The following RHOD variants were observed in gnomAD, a reference collection of about 807,000 sequenced individuals.
RHOD encodes ras homolog family member D.
Under a neutral mutation model 16.7 loss-of-function variants are expected in RHOD, and 11 were observed. The observed-to-expected ratio is 0.66, with a 90% CI of 0.41 to 1.09. The LOEUF (loss-of-function observed/expected upper bound fraction) is 1.09. Ranked by LOEUF, RHOD falls within the 50% of genes least tolerant of loss-of-function variation. RHOD has a pLI of 0.00. For synonymous variants in RHOD, 124 were observed against 126.3 expected (o/e 0.98, Z 0.12); for missense variants, 271 against 291.7 (o/e 0.93, Z 0.52).
intron 3 of RHOD, among the ~76,000 whole-genome samples, chr11:67,067,662 G>C (rs890843550): frequency 6.6e-6 from 1 of 152,198 alleles, no homozygotes; most frequent in Non-Finnish European, 1.5e-5. Flanking sequence ...AGGAGAGATG[G>C]TGGTGCCTGG....
chr11:67,068,272 G>A (rs1854984766), intron 3 of RHOD, among the ~76,000 whole-genome samples: 1 of 152,222 alleles, frequency 6.6e-6, no homozygotes, highest in Non-Finnish European at 1.5e-5. Context: ...CCTAAATGCA[G>A]CTGCACATTT....
At position 67,065,978 on chromosome 11, in the gene RHOD, C is replaced by A; in HGVS notation, c.215C>A (p.Thr72Lys). 6 of 1,604,584 alleles carry A rather than the reference C, an allele frequency of 3.7e-6. No homozygotes were observed. The highest frequency in any genetic ancestry group is 5.1e-6 in the Non-Finnish European group (6 of 1,171,670). ...CCTGTGCACCTCCACATCTGGGACA[C>A]AGCAGGTGGGTGTGCAGGGGTGGGG... ...GKPVHLHIWD[T>K]AGQDDYDRLR... The change falls in exon 2 of 5, where the codon ACA (threonine) becomes AAA (lysine). Residue 72 changes from threonine to lysine, a missense_variant. By Grantham distance (78) the Thr-to-Lys change is moderately conservative. Transcript: ENST00000308831.
chr11:67,067,486 A>G (rs1306274741), intron 3 of RHOD, among the ~76,000 whole-genome samples: 4 of 152,180 alleles, frequency 2.6e-5, no homozygotes, highest in Non-Finnish European at 4.4e-5. Flanking sequence ...TCCCCCGGCC[A>G]ACCTTATGGA....
Position 67,066,806 on chromosome 11 carries a change from G to A in RHOD, c.289G>A (p.Asp97Asn), listed in dbSNP as rs557865534. The A allele has an allele frequency of 3.3e-5, 54 of 1,613,872 alleles. No homozygotes were observed. Among genetic ancestry groups the A allele is most frequent in the Non-Finnish European group, 4.1e-5 (48 of 1,179,884 alleles). ...CGCCAGCGTCCTGCTGCTTTGCTTC[G>A]ATGTCACCAGCCCGAACAGCTTTGA... ...PDASVLLLCF[D>N]VTSPNSFDNI... Residue 97 changes from aspartate (D) to asparagine (N), a missense_variant, in exon 3 of 5, where the codon GAT (aspartate) becomes AAT (asparagine). By Grantham distance (23) the Asp-to-Asn change is conservative (BLOSUM62 1). Coordinates refer to ENST00000308831, the MANE Select transcript of RHOD (RefSeq NM_014578.4).
At chr11:67,067,795 TTTTG>T (rs142675444) in intron 3 of RHOD, among the ~76,000 whole-genome samples, 56,335 of 151,010 alleles carry the variant, frequency 0.37, 10,808 homozygotes, top group South Asian at 0.51. Context: ...GGAGGAGTTT[TTTTG>T]TTTGTTTGTT....
chr11:67,062,326 A>G (rs1296693728), intron 1 of RHOD, among the ~76,000 whole-genome samples: 1 of 152,176 alleles, frequency 6.6e-6, no homozygotes, highest in African/African-American at 2.4e-5. Context: ...ATAGCAGGTG[A>G]GTGCTGGAGC....
intron 1 of RHOD, among the ~76,000 whole-genome samples, chr11:67,061,212 A>G (rs1369261443): frequency 6.6e-6 from 1 of 152,124 alleles, no homozygotes; most frequent in East Asian, 1.9e-4. Context: ...GAACTTCCTC[A>G]CTATTGGCCA....
chr11:67,062,967 C>T (rs1193323754), intron 1 of RHOD, among the ~76,000 whole-genome samples: 1 of 152,208 alleles, frequency 6.6e-6, no homozygotes, highest in Non-Finnish European at 1.5e-5. Context: ...CAAAACCTGG[C>T]CTGCTGCCCG....
chr11:67,057,127 C>T (rs1241459193), intron 1 of RHOD, 93 bp downstream of exon 1: 11 of 1,311,672 alleles, frequency 8.4e-6, no homozygotes, highest in Non-Finnish European at 9.7e-6. Flanking sequence ...GCGCCTAACC[C>T]GGCCTCCGAG....
intron 3 of RHOD, among the ~76,000 whole-genome samples, chr11:67,068,490 G>A (rs1181490251): frequency 1.3e-5 from 2 of 152,100 alleles, no homozygotes; most frequent in Non-Finnish European, 2.9e-5. Flanking sequence ...CGGGGTTATC[G>A]AGGGATCAGT....
intron 1 of RHOD, among the ~76,000 whole-genome samples, chr11:67,062,078 C>T (rs1306393201): frequency 2.0e-5 from 3 of 152,056 alleles, no homozygotes; most frequent in Non-Finnish European, 4.4e-5. Flanking sequence ...TCCCTCGACA[C>T]GTGGGGATTA....
At chr11:67,064,954 C>A (rs1207329982) in intron 1 of RHOD, among the ~76,000 whole-genome samples, 1 of 152,262 alleles carries the variant, frequency 6.6e-6, no homozygotes, top group Non-Finnish European at 1.5e-5. Context: ...TGCCCCCATC[C>A]AGAGGGCAAT....
intron 1 of RHOD, among the ~76,000 whole-genome samples, chr11:67,059,354 A>G (rs1854858084): frequency 1.3e-5 from 2 of 152,096 alleles, no homozygotes; most frequent in Admixed American, 6.6e-5. Context: ...AGCCTGGCCA[A>G]CATGGTGAAA....
chr11:67,061,848 A>G (rs1477106474), intron 1 of RHOD, among the ~76,000 whole-genome samples: 3 of 143,128 alleles, frequency 2.1e-5, no homozygotes, highest in Non-Finnish European at 4.5e-5. Flanking sequence ...GTGTGTGTAT[A>G]TATATATTAG....
intron 1 of RHOD, among the ~76,000 whole-genome samples, chr11:67,060,163 C>G (rs547690676): frequency 6.6e-6 from 1 of 152,220 alleles, no homozygotes; most frequent in Non-Finnish European, 1.5e-5. Flanking sequence ...TGGCTAGAGC[C>G]CCCTGGGTCC....
In RHOD at chr11:67,062,587, C is replaced by T. The variant is rs182150471; in HGVS notation, c.133-3309C>T. Among the ~76,000 whole-genome samples, 275 of 152,332 alleles carry T rather than the reference C, an allele frequency of 1.8e-3. 3 individuals carry two copies. The highest frequency in any genetic ancestry group is 6.5e-3 in the African/African-American group (269 of 41,584). ...AGACTTCTCCATCTTCCTCAGCTGC[C>T]CACTCTGGGACCTGCCTTTCTCCCC... On this transcript the variant is annotated intron_variant, in intron 1 of 4. Transcript: ENST00000308831.
intron 2 of RHOD, 151 bp from the exon 3 acceptor site, chr11:67,066,587 C>T (rs902504015): frequency 1.2e-5 from 8 of 658,910 alleles, no homozygotes; most frequent in Admixed American, 1.2e-4. Flanking sequence ...GGAGTAGCCA[C>T]CTCAGAGCCA....
chr11:67,057,321 A>G (rs1436608618), intron 1 of RHOD, among the ~76,000 whole-genome samples: 1 of 152,176 alleles, frequency 6.6e-6, no homozygotes, highest in Non-Finnish European at 1.5e-5. Flanking sequence ...TGGCCACACA[A>G]TTCCGCTGAG....
chr11:67,062,796 C>T (rs1854909052), intron 1 of RHOD, among the ~76,000 whole-genome samples: 1 of 152,190 alleles, frequency 6.6e-6, no homozygotes, highest in African/African-American at 2.4e-5. Context: ...GCCCCCCAGA[C>T]TGTGGCCCCA....
Sources: allele counts gnomAD v4.1 joint callset (sites outside exome capture counted in the v4.1 genomes callset), GRCh38; gene constraint gnomAD v4.1.1; transcripts MANE v1.5; gene names NCBI Gene and HGNC (gene_info 2026-07-23, HGNC 2026-07-21).